The following RLF variants were observed in gnomAD, a reference collection of about 807,000 sequenced individuals.
The protein encoded by RLF is RLF zinc finger.
RLF carries 7 observed loss-of-function variants against 162.9 expected under a neutral mutation model. The observed-to-expected ratio is 0.04, with a 90% CI of 0.02 to 0.08. The LOEUF (loss-of-function observed/expected upper bound fraction) is 0.08. Among genes scored for constraint, RLF ranks in the 10% least tolerant of loss-of-function variants. The pLI is 1.00. For missense variants in RLF, 1,664 were observed against 2,244.7 expected (o/e 0.74, Z 5.23); for synonymous variants, 782 against 791.5 (o/e 0.99, Z 0.20).
chr1:40,218,103 T>G (rs1642948842), intron 5 of RLF, among the ~76,000 whole-genome samples: 1 of 152,218 alleles, frequency 6.6e-6, no homozygotes, highest in African/African-American at 2.4e-5. Flanking sequence ...TGATTTCTTT[T>G]GGATGTATAT....
At chr1:40,217,138 C>G (rs1350061118) in intron 5 of RLF, among the ~76,000 whole-genome samples, 1 of 152,016 alleles carries the variant, frequency 6.6e-6, no homozygotes, top group African/African-American at 2.4e-5. Context: ...TCACCTTCTC[C>G]TTTTTTTCTG....
chr1:40,187,925 T>C (rs1472552641), intron 1 of RLF, among the ~76,000 whole-genome samples: 1 of 152,198 alleles, frequency 6.6e-6, no homozygotes, highest in African/African-American at 2.4e-5. Context: ...TGAATTCAGA[T>C]AAGATGTATT....
In RLF at chr1:40,239,298, C is replaced by T. The variant is rs772197104; in HGVS notation, c.4596C>T (p.Thr1532=). ...KEKKAPISFK[T]RAEALHMCVE... is the part of the protein sequence containing the mutation. ...AGAAAGCCCCAATAAGTTTTAAAAC[C>T]AGAGCTGAGGCCCTCCATATGTGTG... The change falls in exon 8 of 8, where the codon ACC becomes ACT. Residue 1532 remains threonine (T), a synonymous_variant. Coordinates refer to ENST00000372771, the MANE Select transcript of RLF (RefSeq NM_012421.4). The T allele has an allele frequency of 6.2e-7, 1 of 1,613,906 alleles. No individual in the cohort carries two copies. Among genetic ancestry groups the T allele is most frequent in the African/African-American group, 1.3e-5 (1 of 74,894 alleles).
chr1:40,203,584 T>TA (rs1041847666), intron 5 of RLF, among the ~76,000 whole-genome samples: 115 of 144,174 alleles, frequency 8.0e-4, no homozygotes, highest in Middle Eastern at 3.5e-3. Flanking sequence ...TTGCATCCTT[T>TA]AAAAAAAAAA....
rs777477889 is a variant in RLF at position 40,190,819 on chromosome 1, G to A, written c.440G>A (p.Cys147Tyr). The A allele has an allele frequency of 6.2e-7, 1 of 1,613,176 alleles. No homozygotes were observed. Among genetic ancestry groups the A allele is most frequent in the South Asian group, 1.1e-5 (1 of 90,990 alleles). ...LLSVSESELP[C>Y]EVWLPFLQSL... ...TCAGTGTCTGAAAGTGAACTGCCAT[G>A]TGAAGTCTGGCTACCATTCCTTCAG... The change falls in exon 3 of 8, where the codon TGT becomes TAT. Residue 147 changes from cysteine (C) to tyrosine (Y), a missense_variant. Around this residue, in one of 15 missense-constraint regions of RLF, gnomAD observed 287 missense variants for 404.9 expected, o/e 0.71. Transcript: ENST00000372771.
intron 3 of RLF, 60 bp from the exon 4 acceptor site, chr1:40,195,572 A>C: frequency 4.1e-6 from 6 of 1,474,604 alleles, no homozygotes; most frequent in Non-Finnish European, 5.5e-6. Context: ...ATATGTTGAA[A>C]AGGCAAAACT....
intron 7 of RLF, among the ~76,000 whole-genome samples, chr1:40,234,972 C>T (rs1016373089): frequency 1.3e-5 from 2 of 151,872 alleles, no homozygotes; most frequent in Non-Finnish European, 2.9e-5. Flanking sequence ...TATAAATTAC[C>T]AGATTCTTTC....
chr1:40,169,464 A>T (rs1642209578), intron 1 of RLF, among the ~76,000 whole-genome samples: 1 of 149,002 alleles, frequency 6.7e-6, no homozygotes, highest in Admixed American at 6.7e-5. Flanking sequence ...AAAATACAAA[A>T]AATTAGCCGG....
At chr1:40,184,116 A>C (rs1642441498) in intron 1 of RLF, among the ~76,000 whole-genome samples, 1 of 152,208 alleles carries the variant, frequency 6.6e-6, no homozygotes, top group Admixed American at 6.5e-5. Context: ...TTGAAAATGT[A>C]GTCATGCTTA....
In RLF at chr1:40,202,408, C is replaced by G; in HGVS notation, c.608-4C>G. 1 of 1,559,620 alleles carries G rather than the reference C, an allele frequency of 6.4e-7. No homozygotes were observed. The highest frequency in any genetic ancestry group is 8.6e-7 in the Non-Finnish European group (1 of 1,158,786). Reference sequence around the variant, plus strand: ...CAAACTGTTTTATTTTTCATTTTTTCTAGTCAATAAATTGATTGCACAAGA... The same window carrying G: ...CAAACTGTTTTATTTTTCATTTTTTGTAGTCAATAAATTGATTGCACAAGA... On this transcript the variant is annotated splice_polypyrimidine_tract_variant and splice_region_variant and intron_variant, in intron 4 of 7. Transcript: ENST00000372771.
At chr1:40,221,878 C>T (rs184652776) in intron 5 of RLF, among the ~76,000 whole-genome samples, 1,312 of 119,628 alleles carry the variant, frequency 0.011, 20 homozygotes, top group African/African-American at 0.04. Flanking sequence ...CCGGCCTGGG[C>T]GACACAGCGA....
chr1:40,236,653 T>A lies in RLF; in HGVS notation c.1951T>A (p.Ser651Thr). 6.2e-7 allele frequency: 1 copy of A among 1,613,776 alleles called. No homozygotes were observed. Reference sequence around the variant, plus strand: ...ATTGAATGACCAAGCCAAAGGAGAGTCTCATGAATATGTCACATTCAGCAA... The same window carrying A: ...ATTGAATGACCAAGCCAAAGGAGAGACTCATGAATATGTCACATTCAGCAA... ...HSLNDQAKGE[S>T]HEYVTFSKLE... Residue 651 changes from serine (S) to threonine (T), a missense_variant, in exon 8 of 8, where the codon TCT becomes ACT. This residue lies in a region of RLF where 50 missense variants were observed against 46.7 expected (regional missense o/e 1.07). Transcript: ENST00000372771. This position sits in a 1 kb window ranked among gnomAD's most constrained non-coding sequence, Gnocchi z 7.7.
chr1:40,206,852 C>A (rs893535184), intron 5 of RLF, among the ~76,000 whole-genome samples: 55 of 152,298 alleles, frequency 3.6e-4, no homozygotes, highest in African/African-American at 1.3e-3. Context: ...GGCTTACTCC[C>A]TTACCTCATG....
chr1:40,203,969 A>G (rs948117489), intron 5 of RLF, among the ~76,000 whole-genome samples: 18 of 150,362 alleles, frequency 1.2e-4, no homozygotes, highest in African/African-American at 4.2e-4. Context: ...TCACTTCCCT[A>G]TTTAACTCTG....
At chr1:40,235,756 CA>C (rs748427076) in intron 7 of RLF, 35 bp from the exon 8 acceptor site, 3 of 1,429,722 alleles carry the variant, frequency 2.1e-6, no homozygotes, top group Non-Finnish European at 2.8e-6. Context: ...TTTCTGTATG[CA>C]AAAAAATAAT....
At chr1:40,217,423 A>G (rs1047875999) in intron 5 of RLF, among the ~76,000 whole-genome samples, 5 of 152,052 alleles carry the variant, frequency 3.3e-5, no homozygotes, top group Admixed American at 2.0e-4. Flanking sequence ...GTGAGCTGCC[A>G]TCGTACCACT....
rs1222391345 is a variant in RLF at position 40,239,189 on chromosome 1, C to G, written c.4487C>G (p.Thr1496Arg). 1 of 1,614,078 alleles carries G rather than the reference C, an allele frequency of 6.2e-7. No individual in the cohort carries two copies. The highest frequency in any genetic ancestry group is 2.2e-5 in the East Asian group (1 of 44,894). The change falls in exon 8 of 8, where the codon ACA becomes AGA. Residue 1496 changes from threonine (T) to arginine (R), a missense_variant. Coordinates refer to ENST00000372771, the MANE Select transcript of RLF (RefSeq NM_012421.4). ...CTAAGGAGTGAAAAGGTATGTCAAACAGCTGATACTCAGGGGCATGAACAT... is the reference window on the plus strand; with the variant it reads ...CTAAGGAGTGAAAAGGTATGTCAAAGAGCTGATACTCAGGGGCATGAACAT... The part of the protein sequence containing the change: ...RLLRSEKVCQ[T>R]ADTQGHEHQT...
At chr1:40,221,761 A>G (rs1642999091) in intron 5 of RLF, among the ~76,000 whole-genome samples, 1 of 151,928 alleles carries the variant, frequency 6.6e-6, no homozygotes, top group Non-Finnish European at 1.5e-5. Flanking sequence ...TTAGCTGGGC[A>G]CGGTGGTGGG....
chr1:40,171,872 G>A (rs1642249870), intron 1 of RLF, among the ~76,000 whole-genome samples: 1 of 152,120 alleles, frequency 6.6e-6, no homozygotes, highest in Non-Finnish European at 1.5e-5. Flanking sequence ...ACACTCTTAT[G>A]TATTCCAGTA....
Sources: gnomAD v4.1 joint callset for allele counts (sites outside exome capture counted in the v4.1 genomes callset) on GRCh38, gnomAD v4.1.1 for gene constraint, gnomAD v4.1.1 regional missense constraint, Gnocchi (gnomAD v3.1) non-coding constraint, MANE v1.5 for transcripts, NCBI Gene and HGNC (gene_info 2026-07-23, HGNC 2026-07-21) for gene names.